The following SYBU variants were observed in gnomAD, a reference collection of about 807,000 sequenced individuals.
SYBU encodes the protein GOLSYN A protein.
Under a neutral mutation model 35.9 loss-of-function variants are expected in SYBU, and 21 were observed. The observed-to-expected ratio is 0.58, with a 90% CI of 0.41 to 0.84. The LOEUF is 0.84. Ranked by LOEUF, SYBU falls within the 40% of genes least tolerant of loss-of-function variation. The pLI, the probability that SYBU is intolerant of heterozygous loss-of-function variation, is 0.00. For missense variants in SYBU, 768 were observed against 848.2 expected (o/e 0.91, Z 1.17); for synonymous variants, 319 against 324.3 (o/e 0.98, Z 0.18).
intron 3 of SYBU, among the ~76,000 whole-genome samples, chr8:109,613,533 T>TC (rs989710567): frequency 2.0e-5 from 3 of 151,226 alleles, no homozygotes; most frequent in African/African-American, 4.9e-5. Context: ...AAAGTTCTCC[T>TC]CCCCCCCACC....
chr8:109,660,995 T>C (rs1563770095), intron 1 of SYBU, among the ~76,000 whole-genome samples: 1 of 152,114 alleles, frequency 6.6e-6, no homozygotes, highest in Non-Finnish European at 1.5e-5. Context: ...CAGGAGAAGG[T>C]TGAGGCCACA....
intron 1 of SYBU, among the ~76,000 whole-genome samples, chr8:109,687,734 T>C (rs572465856): frequency 6.6e-6 from 1 of 152,308 alleles, no homozygotes; most frequent in South Asian, 2.1e-4. Flanking sequence ...GCAAAGCATA[T>C]GGACTTTGAT....
chr8:109,666,745 G>GAA (rs11406081), intron 1 of SYBU, among the ~76,000 whole-genome samples: 2 of 150,936 alleles, frequency 1.3e-5, no homozygotes, highest in African/African-American at 4.9e-5. Flanking sequence ...CTCCATTTCA[G>GAA]AAAAAAAAGA....
intron 3 of SYBU, among the ~76,000 whole-genome samples, chr8:109,586,718 T>G (rs1392067593): frequency 6.6e-6 from 1 of 152,182 alleles, no homozygotes; most frequent in Non-Finnish European, 1.5e-5. Flanking sequence ...CTGACTGCAG[T>G]TTTGGTTTTT....
chr8:109,668,445 A>G (rs1241030874), intron 1 of SYBU, among the ~76,000 whole-genome samples: 1 of 152,196 alleles, frequency 6.6e-6, no homozygotes, highest in East Asian at 1.9e-4. Context: ...TAGGCAATTT[A>G]AAATATTTCA....
intron 3 of SYBU, among the ~76,000 whole-genome samples, chr8:109,618,151 G>A (rs755253181): frequency 2.0e-5 from 3 of 152,160 alleles, no homozygotes; most frequent in Admixed American, 6.5e-5. Flanking sequence ...TCCCAATGAC[G>A]ATGAACACAT....
At chr8:109,599,682 C>T (rs1396086139) in intron 3 of SYBU, among the ~76,000 whole-genome samples, 1 of 152,208 alleles carries the variant, frequency 6.6e-6, no homozygotes, top group Non-Finnish European at 1.5e-5. Flanking sequence ...TGCCCAGCTG[C>T]TCCTTGTGGC....
At chr8:109,603,732 T>C (rs1454714979) in intron 3 of SYBU, among the ~76,000 whole-genome samples, 1 of 152,216 alleles carries the variant, frequency 6.6e-6, no homozygotes, top group Non-Finnish European at 1.5e-5. Flanking sequence ...AACAGTAGTT[T>C]TGAAAATACC....
chr8:109,673,134 T>A (rs1053104242), intron 1 of SYBU, among the ~76,000 whole-genome samples: 3 of 152,204 alleles, frequency 2.0e-5, no homozygotes, highest in African/African-American at 7.2e-5. Flanking sequence ...TCCTGCCTGC[T>A]GGCTCTGAAG....
intron 1 of SYBU, among the ~76,000 whole-genome samples, chr8:109,666,684 G>T (rs374154748): frequency 2.6e-5 from 4 of 152,206 alleles, no homozygotes; most frequent in Non-Finnish European, 2.9e-5. Flanking sequence ...GTTGGCAGAG[G>T]TTGCAGTGAA....
At chr8:109,660,220 C>T (rs1407001143) in intron 1 of SYBU, among the ~76,000 whole-genome samples, 1 of 152,134 alleles carries the variant, frequency 6.6e-6, no homozygotes, top group Admixed American at 6.5e-5. Context: ...AGTTGGTTCA[C>T]AGCTATTCAT....
chr8:109,643,076 G>A, intron 1 of SYBU, 144 bp from the exon 2 acceptor site: 1 of 1,368,186 alleles, frequency 7.3e-7, no homozygotes, highest in East Asian at 2.8e-5. Context: ...TATCTCAGTT[G>A]CTGAAATGAG....
rs2130796322 is a variant in SYBU at position 109,691,590 on chromosome 8, G to A, written c.-315C>T. ...TCTGCAGCCAGCCGGGCGGCTGCTG[G>A]GGCTGAGGACAAAATGGAGAGAAGG... is the stretch of plus-strand genomic sequence containing the variant. On this transcript the variant is annotated 5_prime_UTR_variant, in exon 1 of 8. Transcript: ENST00000422135. The surrounding 1 kb of genome is among the most constrained non-coding windows in gnomAD (Gnocchi z 4.7). The A allele has an allele frequency of 9.2e-6, 4 of 434,854 alleles. No individual in the cohort carries two copies. In the South Asian group the frequency reaches 1.5e-4, roughly 16 times the overall value. 26.9% of individuals were successfully genotyped at this position (434,854 alleles called of 1,614,324 possible). A position where few individuals can be genotyped will look rare whatever the true frequency, so the allele number is the denominator to read the frequency against.
At chr8:109,593,349 C>T (rs970121441) in intron 3 of SYBU, among the ~76,000 whole-genome samples, 9 of 152,164 alleles carry the variant, frequency 5.9e-5, no homozygotes, top group Non-Finnish European at 1.2e-4. Flanking sequence ...AATTCACGGG[C>T]AAAGTGCACT....
At chr8:109,640,392 T>C (rs1814725176) in intron 2 of SYBU, among the ~76,000 whole-genome samples, 1 of 152,186 alleles carries the variant, frequency 6.6e-6, no homozygotes, top group Non-Finnish European at 1.5e-5. Flanking sequence ...TCTTTTTTTC[T>C]GATAACACTA....
At chr8:109,664,282 G>C (rs959517043) in intron 1 of SYBU, among the ~76,000 whole-genome samples, 14 of 152,006 alleles carry the variant, frequency 9.2e-5, no homozygotes, top group African/African-American at 2.9e-4. Flanking sequence ...TGTGGGGGAG[G>C]GTGTAGGTCA....
At chr8:109,576,864 T>A (rs950627977) in intron 6 of SYBU, among the ~76,000 whole-genome samples, 1 of 152,190 alleles carries the variant, frequency 6.6e-6, no homozygotes. Context: ...GAGACATCAA[T>A]ATTGCTCATT....
intron 6 of SYBU, 25 bp from the exon 7 acceptor site, chr8:109,576,038 T>TA: frequency 9.1e-7 from 1 of 1,104,176 alleles, no homozygotes; most frequent in East Asian, 3.1e-5. Flanking sequence ...CAAGCATGGT[T>TA]AATTAAAAAA....
intron 1 of SYBU, among the ~76,000 whole-genome samples, chr8:109,675,092 G>C (rs904486541): frequency 6.6e-6 from 1 of 152,118 alleles, no homozygotes; most frequent in African/African-American, 2.4e-5. Context: ...TGAAACCAAC[G>C]AGAACAAAGA....
Sources: gnomAD v4.1 joint callset for allele counts (sites outside exome capture counted in the v4.1 genomes callset) on GRCh38, gnomAD v4.1.1 for gene constraint, Gnocchi (gnomAD v3.1) non-coding constraint, MANE v1.5 for transcripts, NCBI Gene and HGNC (gene_info 2026-07-23, HGNC 2026-07-21) for gene names.